GRID2: variants seen among roughly 807,000 people sequenced by gnomAD.
The protein encoded by GRID2 is glutamate receptor ionotropic, delta-2.
Under a neutral mutation model 114.8 loss-of-function variants are expected in GRID2, and 33 were observed. The observed-to-expected ratio is 0.29, with a 90% CI of 0.22 to 0.38. The LOEUF is 0.38. Ranked by LOEUF, GRID2 falls within the 10% of genes least tolerant of loss-of-function variation. GRID2 has a pLI of 1.00. For synonymous variants in GRID2, 505 were observed against 449.9 expected (o/e 1.12, Z -1.55); for missense variants, 1,184 against 1,257.7 (o/e 0.94, Z 0.89).
intron 8 of GRID2, among the ~76,000 whole-genome samples, chr4:93,255,418 A>G (rs775959788): frequency 2.6e-5 from 4 of 152,136 alleles, no homozygotes; most frequent in Middle Eastern, 3.2e-3. Flanking sequence ...GATAAATAGT[A>G]AAGGAGAAAA....
intron 4 of GRID2, among the ~76,000 whole-genome samples, chr4:93,139,910 CCTT>C (rs1735605048): frequency 6.6e-6 from 1 of 152,090 alleles, no homozygotes; most frequent in South Asian, 2.1e-4. Flanking sequence ...ATGTCTGGAT[CCTT>C]CTTGGGGTGA....
chr4:93,614,338 C>A (rs542948178), intron 13 of GRID2, among the ~76,000 whole-genome samples: 9 of 152,140 alleles, frequency 5.9e-5, no homozygotes, highest in Non-Finnish European at 8.8e-5. Context: ...GCTCCTCCCC[C>A]CTGAAAATTA....
At chr4:92,481,728 A>C (rs934469250) in intron 1 of GRID2, among the ~76,000 whole-genome samples, 3 of 151,634 alleles carry the variant, frequency 2.0e-5, no homozygotes, top group Non-Finnish European at 4.4e-5. Context: ...TTATTTTTCC[A>C]ATTATTTAAA....
At chr4:93,181,896 T>A (rs959454474) in intron 4 of GRID2, among the ~76,000 whole-genome samples, 5 of 152,194 alleles carry the variant, frequency 3.3e-5, no homozygotes, top group African/African-American at 1.2e-4. Context: ...CCCTAGTTTA[T>A]CTTAATAAAA....
intron 14 of GRID2, among the ~76,000 whole-genome samples, chr4:93,763,112 G>C (rs1263638700): frequency 1.3e-5 from 2 of 152,080 alleles, no homozygotes; most frequent in African/African-American, 2.4e-5. Context: ...TCAAAGGAGA[G>C]CTGCCAAAGC....
intron 14 of GRID2, among the ~76,000 whole-genome samples, chr4:93,651,383 G>T (rs530568388): frequency 6.6e-6 from 1 of 152,170 alleles, no homozygotes; most frequent in Admixed American, 6.5e-5. Flanking sequence ...AGCTCCAAAA[G>T]GATGTGGTCA....
At chr4:93,158,899 G>A (rs79579436) in intron 4 of GRID2, among the ~76,000 whole-genome samples, 2 of 151,532 alleles carry the variant, frequency 1.3e-5, no homozygotes, top group African/African-American at 4.8e-5. Context: ...CTATTAAGTT[G>A]AGCTTAGACC....
At chr4:92,669,366 A>G (rs116289097) in intron 2 of GRID2, among the ~76,000 whole-genome samples, 1,850 of 151,988 alleles carry the variant, frequency 0.012, 35 homozygotes, top group African/African-American at 0.041. Flanking sequence ...AAAGCTTTGT[A>G]TATTATAAAA....
chr4:93,376,481 G>C (rs1292650079), intron 8 of GRID2, among the ~76,000 whole-genome samples: 1 of 151,876 alleles, frequency 6.6e-6, no homozygotes, highest in Non-Finnish European at 1.5e-5. Flanking sequence ...TATAATTGAA[G>C]GAACAAATGA....
chr4:92,893,698 C>A (rs999462183), intron 2 of GRID2, among the ~76,000 whole-genome samples: 20 of 152,032 alleles, frequency 1.3e-4, no homozygotes, highest in Non-Finnish European at 2.9e-5. Flanking sequence ...TCCTACTGTG[C>A]CACAGCTGGC....
In GRID2 at chr4:92,619,905, T is replaced by C. The variant is rs554084256; in HGVS notation, c.244+29619T>C. Among the ~76,000 whole-genome samples the C allele has an allele frequency of 9.6e-4, 146 of 151,762 alleles. 1 individual carries two copies. Among genetic ancestry groups the C allele is most frequent in the Non-Finnish European group, 9.6e-4 (65 of 67,800 alleles). ...GCGAAGTTACACATGCCTTTTTTTT[T>C]CCCCCACAGGAGGGATAGAGAAATT... On this transcript the variant is annotated intron_variant, in intron 2 of 15. Transcript: ENST00000282020.
In GRID2 at chr4:92,380,084, A is replaced by G. The variant is rs930953768; in HGVS notation, c.88+75340A>G. 3.9e-5 allele frequency among the ~76,000 whole-genome samples: 6 copies of G among 152,084 alleles called. No homozygotes were observed. The South Asian group carries it at 8.3e-4, about 21-fold the overall frequency. On this transcript the variant is annotated intron_variant, in intron 1 of 15. Coordinates refer to ENST00000282020, the MANE Select transcript of GRID2 (RefSeq NM_001510.4). ...CGAAAGTGCTGATCTTTAATGTGGT[A>G]TAATGGGCCCTTGATTTGTTAGCAT...
intron 13 of GRID2, among the ~76,000 whole-genome samples, chr4:93,528,215 T>C (rs1202155023): frequency 6.6e-6 from 1 of 152,032 alleles, no homozygotes; most frequent in Non-Finnish European, 1.5e-5. Context: ...TGTTTATCTG[T>C]TCATTATCAA....
intron 11 of GRID2, among the ~76,000 whole-genome samples, chr4:93,457,245 A>G (rs1723295409): frequency 6.6e-6 from 1 of 152,156 alleles, no homozygotes; most frequent in Non-Finnish European, 1.5e-5. Flanking sequence ...TGTCGCAGAG[A>G]AGGCTTTTTA....
At chr4:93,771,913 AACTTAGC>A (rs367566601) in intron 15 of GRID2, among the ~76,000 whole-genome samples, 156 bp from the exon 16 acceptor site, 66 of 152,314 alleles carry the variant, frequency 4.3e-4, no homozygotes, top group African/African-American at 1.6e-3. Context: ...AATCCCCCAG[AACTTAGC>A]ACAGTGCCTG....
At chr4:93,470,106 A>G (rs758853533) in intron 11 of GRID2, among the ~76,000 whole-genome samples, 1 of 152,126 alleles carries the variant, frequency 6.6e-6, no homozygotes, top group Non-Finnish European at 1.5e-5. Flanking sequence ...GATGACCTGA[A>G]TAATTCATTA....
At chr4:92,612,663 G>T (rs927578825) in intron 2 of GRID2, among the ~76,000 whole-genome samples, 16 of 151,280 alleles carry the variant, frequency 1.1e-4, no homozygotes, top group Admixed American at 7.3e-4. Flanking sequence ...TACAAATCTT[G>T]CTCTTCTATT....
intron 1 of GRID2, among the ~76,000 whole-genome samples, chr4:93,792,288 T>C (rs945112084): frequency 7.2e-5 from 11 of 152,134 alleles, no homozygotes; most frequent in Admixed American, 5.9e-4. Context: ...AGAATGCCTG[T>C]TCCTACTGAA....
chr4:93,354,453 T>C (rs1275435533), intron 8 of GRID2, among the ~76,000 whole-genome samples: 1 of 151,804 alleles, frequency 6.6e-6, no homozygotes. Context: ...AAGAAGCAAA[T>C]TTTTTTGAGG....
Sources: gnomAD v4.1 joint callset for allele counts (sites outside exome capture counted in the v4.1 genomes callset) on GRCh38, gnomAD v4.1.1 for gene constraint, MANE v1.5 for transcripts, NCBI Gene and HGNC (gene_info 2026-07-23, HGNC 2026-07-21) for gene names.